The following TRAP1 variants were observed in gnomAD, a reference collection of about 807,000 sequenced individuals.
TRAP1 encodes the protein TNF receptor associated protein 1.
TRAP1 carries 102 observed loss-of-function variants against 89.1 expected under a neutral mutation model. The ratio of observed to expected loss-of-function variants is 1.15; its 90% CI spans 0.98 to 1.35. TRAP1 has a LOEUF of 1.35. TRAP1 is among the 40% of genes most tolerant of loss of function. The pLI is 0.00. For synonymous variants in TRAP1, 508 were observed against 388.0 expected (o/e 1.31, Z -3.64); for missense variants, 1,256 against 945.3 (o/e 1.33, Z -4.31).
chr16:3,695,546 AAAAAAGAAAAG>A (rs2051275132), intron 1 of TRAP1, among the ~76,000 whole-genome samples: 1 of 151,766 alleles, frequency 6.6e-6, no homozygotes, highest in Non-Finnish European at 1.5e-5. Flanking sequence ...GAAAAAAAAA[AAAAAAGAAAAG>A]AAAAAGAAAA....
intron 1 of TRAP1, among the ~76,000 whole-genome samples, chr16:3,716,610 A>G (rs2051600685): frequency 7.0e-6 from 1 of 142,312 alleles, no homozygotes; most frequent in Non-Finnish European, 1.5e-5. Context: ...AGCACAATGC[A>G]TACATGGTTT....
At chr16:3,682,360 G>A (rs1183674543) in intron 4 of TRAP1, among the ~76,000 whole-genome samples, 1 of 150,466 alleles carries the variant, frequency 6.6e-6, no homozygotes, top group Non-Finnish European at 1.5e-5. Context: ...ACACCAGCCT[G>A]GGCCACAAAG....
At chr16:3,666,243 T>C (rs1351955453) in intron 11 of TRAP1, 125 bp from the exon 12 acceptor site, 2 of 1,218,184 alleles carry the variant, frequency 1.6e-6, no homozygotes, top group East Asian at 5.1e-5. Flanking sequence ...GGTACCGTTA[T>C]TGGCCAAACT....
chr16:3,701,993 A>G (rs1012819429), intron 1 of TRAP1, among the ~76,000 whole-genome samples: 4 of 151,906 alleles, frequency 2.6e-5, no homozygotes, highest in African/African-American at 9.7e-5. Context: ...GGTGGATCAC[A>G]AAGTCAGGAG....
chr16:3,659,058 C>T, intron 16 of TRAP1, 193 bp from the exon 17 acceptor site: 2 of 594,564 alleles, frequency 3.4e-6, no homozygotes, highest in South Asian at 2.5e-5. Context: ...TCAGGAGTGT[C>T]AGTATTAGAA....
chr16:3,694,067 A>G (rs2051253942), intron 1 of TRAP1, among the ~76,000 whole-genome samples: 1 of 150,220 alleles, frequency 6.7e-6, no homozygotes, highest in Non-Finnish European at 1.5e-5. Context: ...GCCGAGGGAG[A>G]GTCCATCCCG....
At position 3,686,214 on chromosome 16, in the gene TRAP1, A is replaced by G. The variant is rs2051136837; in HGVS notation, c.331-78T>C. On this transcript the variant is annotated intron_variant, in intron 3 of 17. Coordinates refer to ENST00000246957, the MANE Select transcript of TRAP1 (RefSeq NM_016292.3). ...GATCTATCTGGTCAGCTGCACTTCC[A>G]ATAACTGTTAAAAGGTAGAGGAGAA... 37 of 1,501,400 alleles carry G rather than the reference A, an allele frequency of 2.5e-5. No individual in the cohort carries two copies. The South Asian group carries it at 4.1e-4, about 17-fold the overall frequency. The allele number at this position is 1,501,400 out of a possible 1,614,324, so 93.0% of individuals were successfully genotyped here. A position where few individuals can be genotyped will look rare whatever the true frequency, so the allele number is the denominator to read the frequency against.
chr16:3,664,714 C>T (rs1310700629), intron 12 of TRAP1: 6 of 455,982 alleles, frequency 1.3e-5, no homozygotes, highest in Admixed American at 8.6e-5. Flanking sequence ...GGGAGCTACG[C>T]GCACCACGCC....
intron 3 of TRAP1, among the ~76,000 whole-genome samples, chr16:3,686,511 C>A (rs2051140446): frequency 1.3e-5 from 2 of 152,170 alleles, no homozygotes; most frequent in Admixed American, 1.3e-4. Context: ...GACACAGGGT[C>A]TCGCTATGTT....
intron 1 of TRAP1, 59 bp downstream of exon 1, chr16:3,717,362 G>A: frequency 1.5e-6 from 1 of 674,956 alleles, no homozygotes; most frequent in Non-Finnish European, 2.1e-6. Flanking sequence ...GCACAGGGAC[G>A]TCCCTGCCGT....
chr16:3,661,708 C>T (rs1314946693), intron 16 of TRAP1: 5 of 372,306 alleles, frequency 1.3e-5, no homozygotes, highest in Non-Finnish European at 2.4e-5. Context: ...TGAGCATGTC[C>T]AGGACACGCA....
chr16:3,663,400 G>T (rs372308841), intron 14 of TRAP1, 24 bp downstream of exon 14: 1 of 1,613,740 alleles, frequency 6.2e-7, no homozygotes, highest in Non-Finnish European at 8.5e-7. Flanking sequence ...CCAGCCCCAC[G>T]CCTAGAGAGC....
chr16:3,699,839 T>C (rs1415308789), intron 1 of TRAP1, among the ~76,000 whole-genome samples: 1 of 112,470 alleles, frequency 8.9e-6, no homozygotes, highest in Non-Finnish European at 1.6e-5. Flanking sequence ...GACTAAATTC[T>C]TTTTTTTTTT....
intron 1 of TRAP1, among the ~76,000 whole-genome samples, chr16:3,712,217 A>G (rs1377406016): frequency 7.7e-6 from 1 of 129,410 alleles, no homozygotes; most frequent in African/African-American, 2.9e-5. Flanking sequence ...TGAATTCAGG[A>G]GGCGGAAGTT....
chr16:3,711,880 T>C (rs1202376661), intron 1 of TRAP1, among the ~76,000 whole-genome samples: 1 of 152,214 alleles, frequency 6.6e-6, no homozygotes, highest in East Asian at 1.9e-4. Flanking sequence ...AGAAAAGTTC[T>C]AGCTGGCTAC....
intron 16 of TRAP1, 92 bp from the exon 17 acceptor site, chr16:3,658,957 G>A (rs1207576439): frequency 1.5e-6 from 2 of 1,308,718 alleles, no homozygotes; most frequent in South Asian, 2.5e-5. Context: ...ATTTAAAGAA[G>A]CACAGTAAGA....
In TRAP1 at chr16:3,705,998, T is replaced by A. The variant is rs1468259323; in HGVS notation, c.88+11423A>T. On this transcript the variant is annotated intron_variant, in intron 1 of 17. Transcript: ENST00000246957. Reference sequence around the variant, plus strand: ...GTGAGCCACCAGTCCCGGCCCTTTTTTTCTTTTTTTTTTTTTGAGACGGAG... The same window carrying A: ...GTGAGCCACCAGTCCCGGCCCTTTTATTCTTTTTTTTTTTTTGAGACGGAG... Among the ~76,000 whole-genome samples the A allele has an allele frequency of 2.7e-5, 4 of 150,616 alleles. No individual in the cohort carries two copies. The South Asian group carries it at 8.3e-4, about 31-fold the overall frequency.
intron 4 of TRAP1, 126 bp downstream of exon 4, chr16:3,685,870 A>C: frequency 8.1e-7 from 1 of 1,235,936 alleles, no homozygotes; most frequent in Non-Finnish European, 1.1e-6. Context: ...ACTAAATTAT[A>C]GCCAGAGTTA....
intron 1 of TRAP1, among the ~76,000 whole-genome samples, chr16:3,704,588 G>A (rs2051413892): frequency 1.3e-5 from 2 of 152,312 alleles, no homozygotes; most frequent in Admixed American, 1.3e-4. Flanking sequence ...GCTCACACCT[G>A]TAATCCCAGC....
Sources: gnomAD v4.1 joint callset for allele counts (sites outside exome capture counted in the v4.1 genomes callset) on GRCh38, gnomAD v4.1.1 for gene constraint, MANE v1.5 for transcripts, NCBI Gene and HGNC (gene_info 2026-07-23, HGNC 2026-07-21) for gene names.